WDR75: variants seen among roughly 807,000 people sequenced by gnomAD.
WDR75 encodes the protein WD repeat-containing protein 75.
In WDR75, 52 loss-of-function variants were observed where a neutral mutation model predicts 106.1. The observed-to-expected ratio is 0.49, with a 90% CI of 0.39 to 0.62. The LOEUF (loss-of-function observed/expected upper bound fraction) is 0.62. WDR75 is among the 20% of genes least tolerant of loss of function. WDR75 has a pLI of 0.00. For synonymous variants in WDR75, 333 were observed against 335.5 expected (o/e 0.99, Z 0.08); for missense variants, 905 against 970.3 (o/e 0.93, Z 0.89).
chr2:189,472,590 G>A (rs903382750), intron 18 of WDR75, among the ~76,000 whole-genome samples: 1 of 148,032 alleles, frequency 6.8e-6, no homozygotes, highest in Non-Finnish European at 1.5e-5. Flanking sequence ...TTTTTGGTTT[G>A]TCTTGGTTGC....
Position 189,475,407 on chromosome 2 carries a change from C to T in WDR75, c.2483C>T (p.Ala828Val). 6.2e-7 allele frequency: 1 copy of T among 1,605,068 alleles called. No homozygotes were observed. The highest frequency in any genetic ancestry group is 1.1e-5 in the South Asian group (1 of 88,916). ...KFRKIDYSWI[A>V]AL ...AGGAAAATAGACTACAGCTGGATAG[C>T]TGCCCTTTAAGCCTTGGAGATGGGG... Residue 828 changes from alanine to valine, a missense_variant, in exon 21 of 21, where the codon GCT becomes GTT. Coordinates refer to ENST00000314761, the MANE Select transcript of WDR75 (RefSeq NM_032168.3).
intron 1 of WDR75, among the ~76,000 whole-genome samples, chr2:189,442,444 T>C (rs10203178): frequency 7.7e-4 from 89 of 115,646 alleles, no homozygotes; most frequent in South Asian, 9.4e-4. Flanking sequence ...ACAATATTCT[T>C]TTTTTTTTTT....
At position 189,475,209 on chromosome 2, in the gene WDR75, A is replaced by G; in HGVS notation, c.2289-4A>G. 1 of 1,594,046 alleles carries G rather than the reference A, an allele frequency of 6.3e-7. No homozygotes were observed. Among genetic ancestry groups the G allele is most frequent in the Non-Finnish European group, 8.6e-7 (1 of 1,168,192 alleles). On this transcript the variant is annotated splice_polypyrimidine_tract_variant and splice_region_variant and intron_variant, in intron 20 of 20. Coordinates refer to ENST00000314761, the MANE Select transcript of WDR75 (RefSeq NM_032168.3). Reference sequence around the variant, plus strand: ...GTTTATATTTTATTCTGTTATTGTTAAAGTGCTAAGGAAATTCCTGAAGAT... The same window carrying G: ...GTTTATATTTTATTCTGTTATTGTTGAAGTGCTAAGGAAATTCCTGAAGAT...
Position 189,470,112 on chromosome 2 carries a change from A to G in WDR75, c.1856A>G (p.Tyr619Cys), listed in dbSNP as rs2105573369. The G allele has an allele frequency of 1.2e-6, 2 of 1,613,238 alleles. No individual in the cohort carries two copies. The highest frequency in any genetic ancestry group is 2.2e-5 in the East Asian group (1 of 44,850). Residue 619 changes from tyrosine (Y) to cysteine (C), a missense_variant, in exon 17 of 21, where the codon TAT (tyrosine) becomes TGT (cysteine). By Grantham distance (194) the Tyr-to-Cys change is radical. Transcript: ENST00000314761. ...AAACCTAGTGAGCCAAGGCCATTGT[A>G]TATTCAAAAGGGTATCTCCAGAGAG... ...VFKPSEPRPL[Y>C]IQKGISREKV...
At position 189,463,960 on chromosome 2, in the gene WDR75, A is replaced by G. The variant is rs371891732; in HGVS notation, c.1112A>G (p.Asn371Ser). 6.2e-6 allele frequency: 10 copies of G among 1,611,212 alleles called. No individual in the cohort carries two copies. The highest frequency in any genetic ancestry group is 4.4e-5 in the South Asian group (4 of 90,764). The change falls in exon 11 of 21, where the codon AAT (asparagine) becomes AGT (serine). Residue 371 changes from asparagine to serine, a missense_variant and splice_region_variant. Asn to Ser is a conservative substitution (Grantham distance 46). Transcript: ENST00000314761. ...CTCCAGAGTGATAAACAGTTATACA[A>G]TGTAAGATTTTGATCATTAGCCTTG... is the stretch of plus-strand genomic sequence containing the variant. Reference protein sequence around the residue: ...YSLQSDKQLYNLDIIQQEYIN... With the variant: ...YSLQSDKQLYSLDIIQQEYIN...
Position 189,441,706 on chromosome 2 carries a change from C to T in WDR75, c.86+128C>T. 2.8e-6 allele frequency: 3 copies of T among 1,061,638 alleles called. 1 individual carries two copies. The highest frequency in any genetic ancestry group is 4.2e-6 in the Non-Finnish European group (3 of 716,718). The allele number at this position is 1,061,638 out of a possible 1,614,324, so 65.8% of individuals were successfully genotyped here. A position where few individuals can be genotyped will look rare whatever the true frequency, so the allele number is the denominator to read the frequency against. ...GGATATCGGCTTTGGGTAGAGCACG[C>T]GCCTGTGGGGGATCCCCAGGGTACC... On this transcript the variant is annotated intron_variant, in intron 1 of 20. Coordinates refer to ENST00000314761, the MANE Select transcript of WDR75 (RefSeq NM_032168.3).
Position 189,463,717 on chromosome 2 carries a change from C to T in WDR75, c.961C>T (p.Leu321Phe). 2 of 1,613,556 alleles carry T rather than the reference C, an allele frequency of 1.2e-6. No homozygotes were observed. Among genetic ancestry groups the T allele is most frequent in the Non-Finnish European group, 1.7e-6 (2 of 1,179,730 alleles). ...AGAGATAATAATTATTCACCGAAAC[C>T]TTGAAGCATCCGCAGTAATTCAAGG... is the stretch of plus-strand genomic sequence containing the variant. Reference protein sequence around the residue: ...DNKIIIIHRNLEASAVIQGLV... With the variant: ...DNKIIIIHRNFEASAVIQGLV... Residue 321 changes from leucine (L) to phenylalanine (F), a missense_variant, in exon 10 of 21, where the codon CTT becomes TTT. Transcript: ENST00000314761.
chr2:189,464,854 A>G (rs1249856504), intron 11 of WDR75, among the ~76,000 whole-genome samples: 1 of 152,136 alleles, frequency 6.6e-6, no homozygotes, highest in African/African-American at 2.4e-5. Flanking sequence ...GTCATTGAAG[A>G]ATAATTACCA....
At chr2:189,462,908 T>C (rs1686926948) in intron 9 of WDR75, among the ~76,000 whole-genome samples, 1 of 152,190 alleles carries the variant, frequency 6.6e-6, no homozygotes, top group Admixed American at 6.5e-5. Context: ...TCAAAGTCTT[T>C]TAGTGTGGGA....
At chr2:189,458,608 T>TA (rs1574195785) in intron 6 of WDR75, 145 bp from the exon 7 acceptor site, 34 of 605,206 alleles carry the variant, frequency 5.6e-5, no homozygotes, top group Middle Eastern at 5.0e-4. Context: ...ATTTTCTTTT[T>TA]AAAAAAAATC....
intron 2 of WDR75, chr2:189,449,362 A>G (rs1271493833): frequency 4.6e-6 from 6 of 1,293,032 alleles, no homozygotes; most frequent in Non-Finnish European, 6.1e-6. Flanking sequence ...AGCTACTTCT[A>G]AAAATCAAAG....
chr2:189,474,245 G>GC lies in WDR75; in HGVS notation c.2110dup (p.Gln704ProfsTer5). The GC allele has an allele frequency of 6.2e-7, 1 of 1,613,760 alleles. No homozygotes were observed. Among genetic ancestry groups the GC allele is most frequent in the Non-Finnish European group, 8.5e-7 (1 of 1,179,810 alleles). ...TTTATTTCATATTGGGAAAACACAG[G>GC]CAACAGCAGGATGAAAAACTAAACG... On this transcript the variant is annotated frameshift_variant, in exon 19 of 21. Coordinates refer to ENST00000314761, the MANE Select transcript of WDR75 (RefSeq NM_032168.3). LOFTEE classifies it high-confidence loss of function.
intron 2 of WDR75, 91 bp from the exon 3 acceptor site, chr2:189,450,812 A>G (rs1428628947): frequency 6.4e-7 from 1 of 1,559,752 alleles, no homozygotes; most frequent in African/African-American, 1.4e-5. Flanking sequence ...TAATGAATAG[A>G]AAATGCCCCT....
chr2:189,467,979 G>T (rs1029223160), intron 14 of WDR75, among the ~76,000 whole-genome samples: 7 of 152,152 alleles, frequency 4.6e-5, no homozygotes, highest in Admixed American at 4.6e-4. Context: ...CGTGTTATGC[G>T]CCAACCTCAT....
In WDR75 at chr2:189,463,696, A is replaced by G; in HGVS notation, c.940A>G (p.Ile314Val). 1.2e-6 allele frequency: 2 copies of G among 1,613,768 alleles called. No individual in the cohort carries two copies. The highest frequency in any genetic ancestry group is 1.7e-6 in the Non-Finnish European group (2 of 1,179,738). Reference protein sequence around the residue: ...LFCTSHSDNKIIIIHRNLEAS... With the variant: ...LFCTSHSDNKVIIIHRNLEAS... ...TACCTATTTTTTTCTACCCACAGAGATAATAATTATTCACCGAAACCTTGA... is the reference window on the plus strand; with the variant it reads ...TACCTATTTTTTTCTACCCACAGAGGTAATAATTATTCACCGAAACCTTGA... The change falls in exon 10 of 21, where the codon ATA becomes GTA. Residue 314 changes from isoleucine (I) to valine (V), a missense_variant and splice_region_variant. Ile to Val is a conservative substitution (Grantham distance 29). Coordinates refer to ENST00000314761, the MANE Select transcript of WDR75 (RefSeq NM_032168.3).
At chr2:189,446,256 G>A (rs1520854) in intron 1 of WDR75, among the ~76,000 whole-genome samples, 122,149 of 152,134 alleles carry the variant, frequency 0.8, 50,514 homozygotes, top group Non-Finnish European at 0.91. Flanking sequence ...AAGGATTTTA[G>A]CTTTATCTGA....
At chr2:189,453,803 GT>G (rs77754028) in intron 4 of WDR75, among the ~76,000 whole-genome samples, 21,599 of 152,052 alleles carry the variant, frequency 0.14, 1,960 homozygotes, top group South Asian at 0.21. Flanking sequence ...ACATATATGT[GT>G]ACCCTTTTTG....
At chr2:189,468,716 T>C in intron 15 of WDR75, 147 bp downstream of exon 15, 1 of 673,018 alleles carries the variant, frequency 1.5e-6, no homozygotes. Flanking sequence ...CCACCAAAAT[T>C]TGGAATACTG....
At chr2:189,449,947 A>G in intron 2 of WDR75, 2 of 985,050 alleles carry the variant, frequency 2.0e-6, no homozygotes, top group Non-Finnish European at 2.4e-6. Context: ...TCCTATAACA[A>G]CGACAACAAA....
Sources: allele counts gnomAD v4.1 joint callset (sites outside exome capture counted in the v4.1 genomes callset), GRCh38; gene constraint gnomAD v4.1.1; transcripts MANE v1.5; gene names NCBI Gene and HGNC (gene_info 2026-07-23, HGNC 2026-07-21).